Variants in SYT17 observed in about 807,000 individuals in gnomAD.
SYT17 encodes synaptotagmin 17, also known as synaptotagmin-17.
In SYT17, 22 loss-of-function variants were observed where a neutral mutation model predicts 46.7. That is an observed-to-expected ratio of 0.47 (90% CI 0.34 to 0.67). The LOEUF is 0.67. Ranked by LOEUF, SYT17 falls within the 30% of genes least tolerant of loss-of-function variation. The probability of loss-of-function intolerance (pLI) is 0.01; values close to 1 mark genes in which losing one functional copy is unlikely to be tolerated. For synonymous variants in SYT17, 251 were observed against 248.4 expected (o/e 1.01, Z -0.10); for missense variants, 519 against 612.8 (o/e 0.85, Z 1.62).
At position 19,260,759 on chromosome 16, in the gene SYT17, C is replaced by T. The variant is rs145130628; in HGVS notation, c.1229-6121C>T. ...TAGTGACTACATTTAAAAGAGTCCC[C>T]CATAACCATCAGTAGAAATATTTGG... On this transcript the variant is annotated intron_variant, in intron 7 of 7. Transcript: ENST00000355377. 3.5e-3 allele frequency among the ~76,000 whole-genome samples: 528 copies of T among 152,164 alleles called. 1 individual carries two copies. Among genetic ancestry groups the T allele is most frequent in the African/African-American group, 0.012 (513 of 41,480 alleles).
chr16:19,184,365 A>G (rs1401082367), intron 5 of SYT17, among the ~76,000 whole-genome samples: 2 of 151,908 alleles, frequency 1.3e-5, no homozygotes, highest in South Asian at 2.1e-4. Flanking sequence ...AGATGTTGGT[A>G]ACTAACCTAG....
intron 7 of SYT17, among the ~76,000 whole-genome samples, chr16:19,264,796 G>A (rs1336455728): frequency 6.6e-6 from 1 of 151,910 alleles, no homozygotes; most frequent in Admixed American, 6.6e-5. Flanking sequence ...GTTTTTCCAT[G>A]TTGCCCAGAC....
chr16:19,267,273 C>A lies in SYT17; in HGVS notation c.*197C>A. On this transcript the variant is annotated 3_prime_UTR_variant, in exon 8 of 8. Transcript: ENST00000355377. Reference sequence around the variant, plus strand: ...TGACTATTGATCACAAAATGGCCGCCCTCAGTTGAGTGAGGCCTAGGAACT... The same window carrying A: ...TGACTATTGATCACAAAATGGCCGCACTCAGTTGAGTGAGGCCTAGGAACT... 2.1e-6 allele frequency: 1 copy of A among 466,396 alleles called. No individual in the cohort carries two copies. The highest frequency in any genetic ancestry group is 3.4e-6 in the Non-Finnish European group (1 of 293,796). 28.9% of individuals were successfully genotyped at this position (466,396 alleles called of 1,614,324 possible). A position where few individuals can be genotyped will look rare whatever the true frequency, so the allele number is the denominator to read the frequency against.
chr16:19,183,871 G>A lies in SYT17; in HGVS notation c.675G>A (p.Ala225=), dbSNP rs541826916. The part of the protein sequence containing the change: ...ISHDGSRQDM[A]HSNPYVKICL... ...ACGATGGCTCGCGCCAGGACATGGCGCACTCCAACCCCTACGTCAAGATCT... is the reference window on the plus strand; with the variant it reads ...ACGATGGCTCGCGCCAGGACATGGCACACTCCAACCCCTACGTCAAGATCT... Residue 225 remains alanine (A), a synonymous_variant, in exon 5 of 8, where the codon GCG becomes GCA. Transcript: ENST00000355377. The surrounding 1 kb of genome is among the most constrained non-coding windows in gnomAD (Gnocchi z 5.6). 42 of 1,614,154 alleles carry A rather than the reference G, an allele frequency of 2.6e-5. 1 individual carries two copies. The highest frequency in any genetic ancestry group is 3.3e-4 in the Middle Eastern group (2 of 6,062).
At chr16:19,238,102 G>A (rs1246167251) in intron 7 of SYT17, among the ~76,000 whole-genome samples, 1 of 152,220 alleles carries the variant, frequency 6.6e-6, no homozygotes, top group Non-Finnish European at 1.5e-5. Flanking sequence ...GGACTGGAGA[G>A]GTGGCAGAAG....
At chr16:19,244,640 TCTTA>T (rs1485979994) in intron 7 of SYT17, among the ~76,000 whole-genome samples, 16 of 152,148 alleles carry the variant, frequency 1.1e-4, no homozygotes, top group Admixed American at 8.5e-4. Context: ...TGGACCAGAA[TCTTA>T]CTTCTTTCTT....
intron 7 of SYT17, among the ~76,000 whole-genome samples, chr16:19,231,270 G>A (rs1054929483): frequency 1.3e-5 from 2 of 151,956 alleles, no homozygotes; most frequent in African/African-American, 4.8e-5. Flanking sequence ...CTTCTGAAAG[G>A]CACTCAAAAC....
At chr16:19,190,248 A>C (rs568387414) in intron 5 of SYT17, among the ~76,000 whole-genome samples, 26 of 152,286 alleles carry the variant, frequency 1.7e-4, no homozygotes, top group African/African-American at 6.0e-4. Flanking sequence ...GCGGGCACCT[A>C]TAATCCCAGC....
chr16:19,267,219 C>A lies in SYT17; in HGVS notation c.*143C>A. ...TCCACACACACAGACACACAGATAC[C>A]CCAAATCCTCTCAGAACTGAGAGGA... On this transcript the variant is annotated 3_prime_UTR_variant, in exon 8 of 8. Transcript: ENST00000355377. 8 of 730,256 alleles carry A rather than the reference C, an allele frequency of 1.1e-5. No individual in the cohort carries two copies. The highest frequency in any genetic ancestry group is 1.5e-5 in the Non-Finnish European group (7 of 471,082). 45.2% of individuals were successfully genotyped at this position (730,256 alleles called of 1,614,324 possible). A position where few individuals can be genotyped will look rare whatever the true frequency, so the allele number is the denominator to read the frequency against.
chr16:19,224,621 ATGAC>A lies in SYT17; in HGVS notation c.1073-59_1073-56del, dbSNP rs1966435843. 6 of 1,568,134 alleles carry A rather than the reference ATGAC, an allele frequency of 3.8e-6. No individual in the cohort carries two copies. In the African/African-American group the frequency reaches 8.1e-5, roughly 21 times the overall value. On this transcript the variant is annotated intron_variant, in intron 6 of 7. Coordinates refer to ENST00000355377, the MANE Select transcript of SYT17 (RefSeq NM_016524.4). ...GATGGATGGGAGGTTGAATGGCAGAATGACTGGACGGATTAGGTTTCATGATCTC... is the reference window on the plus strand; with the variant it reads ...GATGGATGGGAGGTTGAATGGCAGAATGGACGGATTAGGTTTCATGATCTC...
intron 7 of SYT17, among the ~76,000 whole-genome samples, chr16:19,248,575 C>T (rs1382339555): frequency 1.3e-5 from 2 of 152,282 alleles, no homozygotes; most frequent in African/African-American, 2.4e-5. Context: ...AATCTCCACA[C>T]TTTGGGAGGC....
chr16:19,188,466 C>T (rs1412434356), intron 5 of SYT17, among the ~76,000 whole-genome samples: 1 of 125,736 alleles, frequency 8.0e-6, no homozygotes, highest in Non-Finnish European at 1.6e-5. Context: ...CAAACCTGCA[C>T]TTATACTCCT....
intron 4 of SYT17, 84 bp downstream of exon 4, chr16:19,180,623 T>C: frequency 1.3e-6 from 2 of 1,547,414 alleles, no homozygotes; most frequent in South Asian, 1.1e-5. Context: ...AGGGCAGTGT[T>C]ATTGCTGGGG....
At chr16:19,241,511 G>A (rs1026779976) in intron 7 of SYT17, among the ~76,000 whole-genome samples, 16 of 152,304 alleles carry the variant, frequency 1.1e-4, no homozygotes, top group Middle Eastern at 6.8e-3. Flanking sequence ...ATGCTGGAGC[G>A]TGCAGCCCTG....
intron 5 of SYT17, among the ~76,000 whole-genome samples, chr16:19,215,328 C>A (rs998168827): frequency 2.0e-5 from 3 of 152,158 alleles, no homozygotes; most frequent in African/African-American, 7.2e-5. Flanking sequence ...CAACAACAAA[C>A]CAGGAATGTA....
At chr16:19,206,284 G>A (rs1203095675) in intron 5 of SYT17, among the ~76,000 whole-genome samples, 1 of 152,102 alleles carries the variant, frequency 6.6e-6, no homozygotes, top group Non-Finnish European at 1.5e-5. Context: ...GTGAACAAAC[G>A]GAAACATTTC....
intron 6 of SYT17, among the ~76,000 whole-genome samples, chr16:19,223,959 A>G (rs1324893229): frequency 6.6e-6 from 1 of 152,228 alleles, no homozygotes; most frequent in Non-Finnish European, 1.5e-5. Flanking sequence ...ATGTGGCTTT[A>G]GGGAAGTTAC....
chr16:19,213,316 C>T (rs1254325266), intron 5 of SYT17, among the ~76,000 whole-genome samples: 1 of 152,188 alleles, frequency 6.6e-6, no homozygotes, highest in East Asian at 1.9e-4. Flanking sequence ...ACAATCTAAG[C>T]TGAACCTGGT....
chr16:19,183,949 C>A lies in SYT17; in HGVS notation c.753C>A (p.Thr251=). The A allele has an allele frequency of 6.2e-7, 1 of 1,614,178 alleles. No homozygotes were observed. The highest frequency in any genetic ancestry group is 2.2e-5 in the East Asian group (1 of 44,870). The change falls in exon 5 of 8, where the codon ACC becomes ACA. Residue 251 remains threonine (T), a synonymous_variant. Coordinates refer to ENST00000355377, the MANE Select transcript of SYT17 (RefSeq NM_016524.4). This position sits in a 1 kb window ranked among gnomAD's most constrained non-coding sequence, Gnocchi z 5.6. ...AGCAGACCGGGGTCAAACGCAAGAC[C>A]CAGAAGCCCGTGTTTGAGGAGCGCT... The part of the protein sequence containing the change: ...NSKQTGVKRK[T]QKPVFEERYT...
Sources: allele counts gnomAD v4.1 joint callset (sites outside exome capture counted in the v4.1 genomes callset), GRCh38; gene constraint gnomAD v4.1.1; non-coding constraint Gnocchi (gnomAD v3.1); transcripts MANE v1.5; gene names NCBI Gene and HGNC (gene_info 2026-07-23, HGNC 2026-07-21).